MSANTD2: variants seen among roughly 807,000 people sequenced by gnomAD.
The protein encoded by MSANTD2 is Myb/SANT DNA binding domain containing 2, also known as myb/SANT-like DNA-binding domain-containing protein 2.
MSANTD2 carries 19 observed loss-of-function variants against 52.6 expected under a neutral mutation model. The ratio of observed to expected loss-of-function variants is 0.36; its 90% CI spans 0.25 to 0.53. The LOEUF is 0.53. Among genes scored for constraint, MSANTD2 ranks in the 20% least tolerant of loss-of-function variants. The probability of loss-of-function intolerance (pLI) is 0.91; values close to 1 mark genes in which losing one functional copy is unlikely to be tolerated. For missense variants in MSANTD2, 558 were observed against 716.3 expected (o/e 0.78, Z 2.52); for synonymous variants, 291 against 289.7 (o/e 1.00, Z -0.04).
At chr11:124,790,192 G>A (rs1340764110) in intron 1 of MSANTD2, 1 of 152,114 alleles carries the variant, frequency 6.6e-6, no homozygotes, top group Non-Finnish European at 1.5e-5. Flanking sequence ...TTACTCTCTG[G>A]TAATATTGTG....
At chr11:124,772,240 G>A (rs935624634) in intron 3 of MSANTD2, among the ~76,000 whole-genome samples, 2 of 152,074 alleles carry the variant, frequency 1.3e-5, no homozygotes, top group Non-Finnish European at 2.9e-5. Flanking sequence ...CCTCTGGTCC[G>A]CCTATCATTT....
chr11:124,795,769 T>C (rs1349770948), intron 1 of MSANTD2, among the ~76,000 whole-genome samples: 1 of 152,182 alleles, frequency 6.6e-6, no homozygotes, highest in Middle Eastern at 3.2e-3. Context: ...CACTTAAGTA[T>C]TTGGTGACTG....
intron 1 of MSANTD2, among the ~76,000 whole-genome samples, chr11:124,780,222 T>A (rs1030673153): frequency 1.3e-5 from 2 of 152,222 alleles, no homozygotes; most frequent in Non-Finnish European, 2.9e-5. Flanking sequence ...TCTATGTACA[T>A]CTTTTGACAC....
intron 1 of MSANTD2, among the ~76,000 whole-genome samples, chr11:124,781,954 A>C (rs1449546759): frequency 6.6e-6 from 1 of 152,016 alleles, no homozygotes; most frequent in African/African-American, 2.4e-5. Context: ...CGCCTGGCCA[A>C]TGTCTTCTTA....
At chr11:124,795,404 G>T (rs1246524189) in intron 1 of MSANTD2, among the ~76,000 whole-genome samples, 1 of 152,224 alleles carries the variant, frequency 6.6e-6, no homozygotes, top group African/African-American at 2.4e-5. Context: ...TTAACTGACT[G>T]AAGTGTGAAT....
chr11:124,790,345 G>C (rs533545069), intron 1 of MSANTD2: 1 of 152,314 alleles, frequency 6.6e-6, no homozygotes, highest in East Asian at 1.9e-4. Flanking sequence ...TGGGTTCTTA[G>C]AAATCAAGCC....
intron 3 of MSANTD2, 112 bp from the exon 4 acceptor site, chr11:124,768,140 C>G: frequency 1.0e-6 from 1 of 984,006 alleles, no homozygotes; most frequent in Non-Finnish European, 1.5e-6. Flanking sequence ...ATGGTGGCCA[C>G]TAGAACATGA....
rs1944596360 is a variant in MSANTD2 at position 124,773,022 on chromosome 11, T to G, written c.799A>C (p.Ile267Leu). 2.5e-6 allele frequency: 4 copies of G among 1,601,462 alleles called. No homozygotes were observed. In the East Asian group the frequency reaches 8.9e-5, roughly 36 times the overall value. ...GCTTCTTCAGAAGACTCTTGTTTTA[T>G]TTTTAATGTTCTCTTTGTGACAGGT... The part of the protein sequence containing the change: ...EIPVTKRTLK[I>L]KQESSEEAQK... Residue 267 changes from isoleucine to leucine, a missense_variant, in exon 3 of 4, where the codon ATA (isoleucine) becomes CTA (leucine). Around this residue, in one of 2 missense-constraint regions of MSANTD2, gnomAD observed 408 missense variants for 573.6 expected, o/e 0.71. Coordinates refer to ENST00000374979, the MANE Select transcript of MSANTD2 (RefSeq NM_001308027.2).
intron 1 of MSANTD2, chr11:124,789,751 C>A (rs886484831): frequency 6.6e-6 from 1 of 152,060 alleles, no homozygotes; most frequent in African/African-American, 2.4e-5. Context: ...TTATTTAGAA[C>A]AATCGGAGGG....
intron 1 of MSANTD2, chr11:124,783,695 GTCAATGAATATCAAGT>G (rs1458551344): frequency 1.0e-6 from 1 of 976,176 alleles, no homozygotes; most frequent in East Asian, 1.1e-4. Flanking sequence ...AATTTTGATT[GTCAATGAATATCAAGT>G]TCTAAGTTTT....
chr11:124,796,956 T>A (rs894284306), intron 1 of MSANTD2, among the ~76,000 whole-genome samples: 1 of 152,244 alleles, frequency 6.6e-6, no homozygotes, highest in African/African-American at 2.4e-5. Flanking sequence ...TTTATTTTCA[T>A]AAGCATAATC....
chr11:124,784,290 GA>G (rs1228127756), intron 1 of MSANTD2: 2 of 985,242 alleles, frequency 2.0e-6, no homozygotes, highest in Non-Finnish European at 2.4e-6. Flanking sequence ...CACCTTGGGG[GA>G]CTACATCAAA....
At chr11:124,792,885 A>G (rs1360202206) in intron 1 of MSANTD2, 2 of 152,166 alleles carry the variant, frequency 1.3e-5, no homozygotes, top group Non-Finnish European at 2.9e-5. Flanking sequence ...CCCCCTCCAG[A>G]TACCTGAACT....
chr11:124,787,712 A>G (rs1945204988), intron 1 of MSANTD2, among the ~76,000 whole-genome samples: 1 of 152,248 alleles, frequency 6.6e-6, no homozygotes, highest in African/African-American at 2.4e-5. Context: ...CTATGAAAAT[A>G]AACATCTTTT....
Position 124,799,951 on chromosome 11 carries a change from C to A in MSANTD2, c.430G>T (p.Ala144Ser), listed in dbSNP as rs1945636248. Residue 144 changes from alanine (A) to serine (S), a missense_variant, in exon 1 of 4, where the codon GCC becomes TCC. Coordinates refer to ENST00000374979, the MANE Select transcript of MSANTD2 (RefSeq NM_001308027.2). ...GCCCGGGACACGCGCTCGTACATGG[C>A]TGGCCCGGGGGCCTTGCTGCCGAAC... ...TVFGSKAPGP[A>S]MYERVSRALA... The A allele has an allele frequency of 3.2e-6, 5 of 1,586,034 alleles. No homozygotes were observed. The highest frequency in any genetic ancestry group is 4.3e-6 in the Non-Finnish European group (5 of 1,174,784).
In MSANTD2 at chr11:124,776,459, G is replaced by A. The variant is rs150715315; in HGVS notation, c.511-1485C>T. Among the ~76,000 whole-genome samples, 20 of 152,238 alleles carry A rather than the reference G, an allele frequency of 1.3e-4. 1 individual carries two copies. Among genetic ancestry groups the A allele is most frequent in the African/African-American group, 4.3e-4 (18 of 41,556 alleles). On this transcript the variant is annotated intron_variant, in intron 1 of 3. Coordinates refer to ENST00000374979, the MANE Select transcript of MSANTD2 (RefSeq NM_001308027.2). ...ATTACAGGCATGCGCCACCCTGCCC[G>A]GCTAATTTTGTAATTTTAGTAGAGA...
Position 124,774,575 on chromosome 11 carries a change from A to G in MSANTD2, c.766+144T>C. On this transcript the variant is annotated intron_variant, in intron 2 of 3. Coordinates refer to ENST00000374979, the MANE Select transcript of MSANTD2 (RefSeq NM_001308027.2). This position sits in a 1 kb window ranked among gnomAD's most constrained non-coding sequence, Gnocchi z 5.1. ...ACATGCAAATTCATGAAAGACATACAAGGCAGAGATGCCCTTTATGCCTTA... is the reference window on the plus strand; with the variant it reads ...ACATGCAAATTCATGAAAGACATACGAGGCAGAGATGCCCTTTATGCCTTA... 1.2e-6 allele frequency: 1 copy of G among 806,920 alleles called. No individual in the cohort carries two copies. Among genetic ancestry groups the G allele is most frequent in the East Asian group, 2.5e-5 (1 of 39,534 alleles). The allele number at this position is 806,920 out of a possible 1,614,324, so 50.0% of individuals were successfully genotyped here. A position where few individuals can be genotyped will look rare whatever the true frequency, so the allele number is the denominator to read the frequency against.
chr11:124,777,132 ATTT>A (rs1298838374), intron 1 of MSANTD2, among the ~76,000 whole-genome samples: 1 of 152,020 alleles, frequency 6.6e-6, no homozygotes, highest in Non-Finnish European at 1.5e-5. Context: ...TTGCCAATTT[ATTT>A]TTATCTCACA....
Position 124,774,631 on chromosome 11 carries a change from A to G in MSANTD2, c.766+88T>C. 2 of 1,341,938 alleles carry G rather than the reference A, an allele frequency of 1.5e-6. No individual in the cohort carries two copies. Among genetic ancestry groups the G allele is most frequent in the Non-Finnish European group, 2.1e-6 (2 of 959,520 alleles). 83.1% of individuals were successfully genotyped at this position (1,341,938 alleles called of 1,614,324 possible). A position where few individuals can be genotyped will look rare whatever the true frequency, so the allele number is the denominator to read the frequency against. On this transcript the variant is annotated intron_variant, in intron 2 of 3. Coordinates refer to ENST00000374979, the MANE Select transcript of MSANTD2 (RefSeq NM_001308027.2). The surrounding 1 kb of genome is among the most constrained non-coding windows in gnomAD (Gnocchi z 5.1). ...ACCACTATAGGGAACAGTACCAAAG[A>G]TATTTACAGGTAATAAGTACTGGTG...
Sources: allele counts gnomAD v4.1 joint callset (sites outside exome capture counted in the v4.1 genomes callset), GRCh38; gene constraint gnomAD v4.1.1; regional missense constraint gnomAD v4.1.1; non-coding constraint Gnocchi (gnomAD v3.1); transcripts MANE v1.5; gene names NCBI Gene and HGNC (gene_info 2026-07-23, HGNC 2026-07-21).